The following TSHZ3 variants were observed in gnomAD, a reference collection of about 807,000 sequenced individuals.
The protein encoded by TSHZ3 is teashirt homolog 3.
TSHZ3 carries 10 observed loss-of-function variants against 64.5 expected under a neutral mutation model. That is an observed-to-expected ratio of 0.16 (90% CI 0.10 to 0.26). TSHZ3 has a LOEUF of 0.26. Among genes scored for constraint, TSHZ3 ranks in the 10% least tolerant of loss-of-function variants. The pLI is 1.00. For synonymous variants in TSHZ3, 608 were observed against 593.1 expected (o/e 1.03, Z -0.36); for missense variants, 1,242 against 1,421.7 (o/e 0.87, Z 2.03).
chr19:31,163,543 C>T (rs1171477766), intron 5 of TSHZ3, among the ~76,000 whole-genome samples: 1 of 152,042 alleles, frequency 6.6e-6, no homozygotes, highest in Non-Finnish European at 1.5e-5. Flanking sequence ...ATCAGCCTGG[C>T]CAACACGGTG....
intron 4 of TSHZ3, among the ~76,000 whole-genome samples, chr19:31,206,572 A>G (rs949598325): frequency 3.3e-5 from 5 of 152,202 alleles, no homozygotes; most frequent in Non-Finnish European, 5.9e-5. Flanking sequence ...GCTGTCTTAT[A>G]TTCCCTTCTC....
intron 5 of TSHZ3, among the ~76,000 whole-genome samples, chr19:31,177,684 G>A (rs926373172): frequency 5.9e-5 from 9 of 152,208 alleles, no homozygotes; most frequent in Admixed American, 1.3e-4. Context: ...AGTTCTGCGC[G>A]CTGGGAAGCA....
intron 5 of TSHZ3, among the ~76,000 whole-genome samples, chr19:31,170,765 T>A (rs921783468): frequency 1.4e-4 from 21 of 152,346 alleles, no homozygotes; most frequent in African/African-American, 5.1e-4. Flanking sequence ...AGTAAATATT[T>A]TTTTGTTGTT....
intron 1 of TSHZ3, among the ~76,000 whole-genome samples, chr19:31,334,746 A>G (rs1917194285): frequency 1.3e-5 from 2 of 152,174 alleles, no homozygotes; most frequent in Admixed American, 6.5e-5. Context: ...ACCATAACAT[A>G]TGGCTTTGAA....
In TSHZ3 at chr19:31,277,465, G is replaced by A. The variant is rs767525944; in HGVS notation, c.2328C>T (p.His776=). The stretch of plus-strand genomic sequence containing the variant: ...TGACGTGGTAGAAATAGCGGTCGAG[G>A]TGGTCTGCCTTCTTGGACTGCAGGG... The part of the protein sequence containing the change: ...PPPLQSKKAD[H]LDRYFYHVNN... Residue 776 remains histidine, a synonymous_variant, in exon 2 of 2, where the codon CAC becomes CAT. Transcript: ENST00000240587. This position sits in a 1 kb window ranked among gnomAD's most constrained non-coding sequence, Gnocchi z 4.5. 4 of 1,613,852 alleles carry A rather than the reference G, an allele frequency of 2.5e-6. No homozygotes were observed. The highest frequency in any genetic ancestry group is 3.4e-6 in the Non-Finnish European group (4 of 1,179,850).
At chr19:31,327,699 G>T (rs938248258) in intron 1 of TSHZ3, among the ~76,000 whole-genome samples, 3 of 152,052 alleles carry the variant, frequency 2.0e-5, no homozygotes, top group Non-Finnish European at 4.4e-5. Context: ...ACTGAGCCAG[G>T]CAGTATACTT....
intron 1 of TSHZ3, among the ~76,000 whole-genome samples, chr19:31,340,823 G>A (rs1284376781): frequency 2.6e-5 from 4 of 152,314 alleles, no homozygotes; most frequent in Non-Finnish European, 4.4e-5. Context: ...CAAGACCCAG[G>A]AGGCAGGCCC....
intron 4 of TSHZ3, among the ~76,000 whole-genome samples, chr19:31,221,356 G>C (rs1032294883): frequency 6.6e-6 from 1 of 152,164 alleles, no homozygotes; most frequent in African/African-American, 2.4e-5. Flanking sequence ...AGACACAGGA[G>C]TGTCAAGGAA....
chr19:31,179,837 T>C (rs935676677), intron 5 of TSHZ3, among the ~76,000 whole-genome samples: 35 of 150,372 alleles, frequency 2.3e-4, no homozygotes, highest in African/African-American at 7.8e-4. Flanking sequence ...GAGGTGGTGG[T>C]GGTGGTGGTG....
chr19:31,226,977 CT>C (rs3030229), intron 4 of TSHZ3, among the ~76,000 whole-genome samples: 666 of 65,692 alleles, frequency 0.01, 6 homozygotes, highest in African/African-American at 0.037. Flanking sequence ...TTCTTTCTTT[CT>C]TTTTTTTTTT....
intron 5 of TSHZ3, among the ~76,000 whole-genome samples, chr19:31,190,258 A>G (rs1053071369): frequency 3.3e-5 from 5 of 152,178 alleles, no homozygotes; most frequent in African/African-American, 1.2e-4. Flanking sequence ...GCAGAATTCT[A>G]AGACAGGCAT....
At chr19:31,199,202 G>T (rs1463400202) in intron 5 of TSHZ3, among the ~76,000 whole-genome samples, 2 of 151,908 alleles carry the variant, frequency 1.3e-5, no homozygotes, top group African/African-American at 4.8e-5. Context: ...TCAAAAGATG[G>T]AGACCATCCT....
At chr19:31,151,815 T>C (rs1051653369) in intron 6 of TSHZ3, among the ~76,000 whole-genome samples, 2 of 152,212 alleles carry the variant, frequency 1.3e-5, no homozygotes, top group Admixed American at 6.5e-5. Flanking sequence ...GCGTTATCAA[T>C]GGCCTGGAGC....
chr19:31,236,917 G>A (rs899566259), intron 3 of TSHZ3, among the ~76,000 whole-genome samples: 3 of 152,200 alleles, frequency 2.0e-5, no homozygotes, highest in Admixed American at 6.5e-5. Context: ...GGGAGGCCAA[G>A]GTGGGAGGAT....
chr19:31,170,929 G>A (rs1199686703), intron 5 of TSHZ3, among the ~76,000 whole-genome samples: 1 of 152,136 alleles, frequency 6.6e-6, no homozygotes, highest in Non-Finnish European at 1.5e-5. Context: ...TATGCAAATT[G>A]GCTTATTAAA....
intron 1 of TSHZ3, among the ~76,000 whole-genome samples, chr19:31,326,482 G>A (rs745489399): frequency 1.3e-5 from 2 of 152,258 alleles, no homozygotes; most frequent in Non-Finnish European, 2.9e-5. Context: ...GAAGCCTGGC[G>A]CGTGTGTGTG....
intron 4 of TSHZ3, among the ~76,000 whole-genome samples, chr19:31,220,817 C>G (rs1469778945): frequency 6.6e-6 from 1 of 152,018 alleles, no homozygotes; most frequent in Non-Finnish European, 1.5e-5. Flanking sequence ...GCTGTGTGCT[C>G]AGAAAGATGA....
chr19:31,176,902 T>G (rs1974616397), intron 5 of TSHZ3, among the ~76,000 whole-genome samples: 1 of 152,156 alleles, frequency 6.6e-6, no homozygotes, highest in South Asian at 2.1e-4. Flanking sequence ...GACAAGAACC[T>G]GGAGCAAACA....
intron 1 of TSHZ3, among the ~76,000 whole-genome samples, chr19:31,316,450 G>A (rs931384526): frequency 9.2e-5 from 14 of 152,172 alleles, no homozygotes; most frequent in Non-Finnish European, 1.8e-4. Flanking sequence ...TGGTGTGTAC[G>A]AGGCCTCTCC....
Sources: allele counts gnomAD v4.1 joint callset (sites outside exome capture counted in the v4.1 genomes callset), GRCh38; gene constraint gnomAD v4.1.1; non-coding constraint Gnocchi (gnomAD v3.1); transcripts MANE v1.5; gene names NCBI Gene and HGNC (gene_info 2026-07-23, HGNC 2026-07-21).